The following FAM153A variants were observed in gnomAD, a reference collection of about 807,000 sequenced individuals.
FAM153A encodes the protein protein FAM153A.
Under a neutral mutation model 48.1 loss-of-function variants are expected in FAM153A, and 12 were observed. That is an observed-to-expected ratio of 0.25 (90% CI 0.16 to 0.40). The LOEUF (loss-of-function observed/expected upper bound fraction) is 0.40, where lower values mean the gene tolerates loss of function less well. FAM153A is among the 10% of genes least tolerant of loss of function. The pLI is 1.00. For missense variants in FAM153A, 111 were observed against 345.8 expected, an observed-to-expected ratio of 0.32 and a Z score of 5.38; for synonymous variants, 36 against 118.2, an observed-to-expected ratio of 0.30 and a Z score of 4.51.
At chr5:177,724,033 G>T in exon 21 of FAM153A, 1 of 1,380,554 alleles carries the variant, frequency 7.2e-7, no homozygotes, top group Non-Finnish European at 1.0e-6. Flanking sequence ...CAGCCCAGCA[G>T]GCTCAGGGGC....
In FAM153A at chr5:177,765,974, G is replaced by A. The variant is rs1279803229; in HGVS notation, c.-57+14475C>T. ...TCTACTTAAAATACAAATACTACCCGGGTGTAGTGGCAAGTGCATGTAATC... is the reference window on the plus strand; with the variant it reads ...TCTACTTAAAATACAAATACTACCCAGGTGTAGTGGCAAGTGCATGTAATC... On this transcript the variant is annotated intron_variant, in intron 1 of 8. Transcript: ENST00000393518. Among the ~76,000 whole-genome samples, 8 of 105,184 alleles carry A rather than the reference G, an allele frequency of 7.6e-5. No individual in the cohort carries two copies. In the South Asian group the frequency reaches 1.0e-3, roughly 14 times the overall value. 69.0% of individuals were successfully genotyped at this position (105,184 alleles called of 152,430 possible). A position where few individuals can be genotyped will look rare whatever the true frequency, so the allele number is the denominator to read the frequency against.
intron 1 of FAM153A, among the ~76,000 whole-genome samples, chr5:177,764,310 C>T (rs1447492233): frequency 6.6e-6 from 1 of 151,510 alleles, no homozygotes; most frequent in Admixed American, 6.6e-5. Flanking sequence ...AAACTCAGCC[C>T]TAGAAAGATG....
upstream of FAM153A, among the ~76,000 whole-genome samples, chr5:177,757,576 CAAT>C (rs1329971695): frequency 6.6e-6 from 1 of 151,320 alleles, no homozygotes; most frequent in Admixed American, 6.6e-5. Context: ...CAAAAATCCT[CAAT>C]AAAATACTGG....
At chr5:177,729,744 A>G (rs1289343620) in intron 16 of FAM153A, among the ~76,000 whole-genome samples, 189 bp from the exon 19 acceptor site, 2 of 143,146 alleles carry the variant, frequency 1.4e-5, no homozygotes, top group Non-Finnish European at 3.0e-5. Flanking sequence ...GGAAGGCCTC[A>G]GAAGACAGAG....
chr5:177,746,765 C>A (rs1582436527), intron 4 of FAM153A, among the ~76,000 whole-genome samples: 1 of 151,750 alleles, frequency 6.6e-6, no homozygotes, highest in East Asian at 1.9e-4. Context: ...CTCTGTTACC[C>A]AGCTGTGCAG....
intron 24 of FAM153A, among the ~76,000 whole-genome samples, chr5:177,716,650 AAT>A (rs1561865652): frequency 6.6e-6 from 1 of 151,816 alleles, no homozygotes; most frequent in Non-Finnish European, 1.5e-5. Context: ...TTTAATGACA[AAT>A]AGTCACTATT....
chr5:177,722,350 G>T (rs1976368), downstream of FAM153A: 4 of 144,422 alleles, frequency 2.8e-5, no homozygotes, highest in Admixed American at 7.0e-5. Context: ...GGCTGGTCTT[G>T]AACTCCTGAC....
intron 16 of FAM153A, among the ~76,000 whole-genome samples, chr5:177,730,603 G>A (rs1763642807): frequency 8.2e-6 from 1 of 122,342 alleles, no homozygotes; most frequent in Non-Finnish European, 1.8e-5. Context: ...TAGTCTGTGG[G>A]ATCTGAATAG....
Position 177,738,936 on chromosome 5 carries a change from A to G in FAM153A, c.562+177T>C, listed in dbSNP as rs75211622. On this transcript the variant is annotated intron_variant, in intron 10 of 20. Coordinates refer to ENST00000614127, the Ensembl canonical transcript of FAM153A. Reference sequence around the variant, plus strand: ...CATAGAATGACACGGCAGCTAACAGAGACTACGTAGGATGGTCACCACTCG... The same window carrying G: ...CATAGAATGACACGGCAGCTAACAGGGACTACGTAGGATGGTCACCACTCG... Among the ~76,000 whole-genome samples, 1,175 of 150,148 alleles carry G rather than the reference A, an allele frequency of 7.8e-3. 36 individuals are homozygous for G. In the East Asian group the frequency reaches 0.1, roughly 13 times the overall value.
downstream of FAM153A, among the ~76,000 whole-genome samples, chr5:177,709,077 G>A (rs1321147626): frequency 4.0e-4 from 44 of 108,984 alleles, no homozygotes; most frequent in African/African-American, 1.5e-3. Flanking sequence ...CCTGGTGAGA[G>A]AGTGAGACTC....
chr5:177,738,289 T>C (rs1765008597), intron 10 of FAM153A, among the ~76,000 whole-genome samples: 1 of 151,360 alleles, frequency 6.6e-6, no homozygotes, highest in South Asian at 2.1e-4. Flanking sequence ...GCCTGATTAT[T>C]TTCTGCTTTG....
downstream of FAM153A, among the ~76,000 whole-genome samples, chr5:177,719,440 GGA>G (rs1005618456): frequency 3.3e-4 from 49 of 150,554 alleles, 3 homozygotes; most frequent in African/African-American, 1.1e-3. Flanking sequence ...AAGAAAGGGA[GGA>G]GAGAGAGAGA....
chr5:177,713,616 C>T (rs1758952410), intron 26 of FAM153A: 1 of 151,720 alleles, frequency 6.6e-6, no homozygotes, highest in African/African-American at 2.4e-5. Context: ...TGATGTTGGC[C>T]AGGATGGTCT....
chr5:177,782,264 C>T (rs1769746314), upstream of FAM153A: 2 of 102,436 alleles, frequency 2.0e-5, no homozygotes, highest in Non-Finnish European at 4.2e-5. Flanking sequence ...GAGGCCCCAT[C>T]CCAGGGGCTG....
chr5:177,754,800 A>G (rs944171334), upstream of FAM153A, among the ~76,000 whole-genome samples: 8 of 151,928 alleles, frequency 5.3e-5, no homozygotes, highest in African/African-American at 1.9e-4. Flanking sequence ...GATAACTAAC[A>G]AACAGAGAAA....
At chr5:177,714,236 T>G (rs1759125275) in intron 25 of FAM153A, 1 of 150,910 alleles carries the variant, frequency 6.6e-6, no homozygotes, top group African/African-American at 2.5e-5. Context: ...TAGCACAACT[T>G]ATGTTCATAT....
At chr5:177,697,065 A>AGGGAC in the FAM153A span, among the ~76,000 whole-genome samples, 1 of 151,920 alleles carries the variant, frequency 6.6e-6, no homozygotes, top group African/African-American at 2.4e-5. Context: ...TGAGTTTTCC[A>AGGGAC]ATCCATAAAT....
downstream of FAM153A, among the ~76,000 whole-genome samples, chr5:177,709,088 C>T (rs112796388): frequency 2.6e-5 from 2 of 76,322 alleles, no homozygotes; most frequent in African/African-American, 5.6e-5. Context: ...AGTGAGACTC[C>T]GTCTCAAAAA....
downstream of FAM153A, among the ~76,000 whole-genome samples, chr5:177,706,388 G>A (rs1335766033): frequency 4.0e-5 from 6 of 151,208 alleles, no homozygotes; most frequent in East Asian, 2.0e-4. Flanking sequence ...TTTAGTAGAG[G>A]CAGGGTTTCA....
Sources: allele counts gnomAD v4.1 joint callset (sites outside exome capture counted in the v4.1 genomes callset), GRCh38; gene constraint gnomAD v4.1.1; transcripts MANE v1.5; gene names NCBI Gene and HGNC (gene_info 2026-07-23, HGNC 2026-07-21).